NOX4: variants seen among roughly 807,000 people sequenced by gnomAD.
NOX4 encodes the protein NADPH oxidase 4, also known as kidney oxidase-1.
In NOX4, 69 loss-of-function variants were observed where a neutral mutation model predicts 87.6. The ratio of observed to expected loss-of-function variants is 0.79; its 90% CI spans 0.65 to 0.96. NOX4 has a LOEUF of 0.96. NOX4 is among the 40% of genes least tolerant of loss of function. The pLI is 0.00. For missense variants in NOX4, 680 were observed against 681.5 expected (o/e 1.00, Z 0.02); for synonymous variants, 275 against 238.2 (o/e 1.15, Z -1.42).
intron 14 of NOX4, among the ~76,000 whole-genome samples, chr11:89,341,088 G>A (rs962821219): frequency 7.0e-6 from 1 of 143,074 alleles, no homozygotes. Flanking sequence ...ACTAAAATAA[G>A]TTTTAGTTTA....
At chr11:89,482,331 G>A (rs966522329) in intron 2 of NOX4, among the ~76,000 whole-genome samples, 1 of 152,076 alleles carries the variant, frequency 6.6e-6, no homozygotes, top group Non-Finnish European at 1.5e-5. Context: ...GAGGAAGACT[G>A]ACAAAGTTGG....
In NOX4 at chr11:89,342,037, T is replaced by C. The variant is rs368172286; in HGVS notation, c.1337+37A>G. On this transcript the variant is annotated intron_variant, in intron 14 of 17. Coordinates refer to ENST00000263317, the MANE Select transcript of NOX4 (RefSeq NM_016931.5). ...GAGATATCAGAAATATTGGCAGTTC[T>C]CTATTTGGATTAACAAAATAGATCA... The C allele has an allele frequency of 2.9e-5, 44 of 1,534,920 alleles. No homozygotes were observed. In the African/African-American group the frequency reaches 6.0e-4, roughly 21 times the overall value.
At chr11:89,468,173 C>A (rs1477907685) in intron 2 of NOX4, among the ~76,000 whole-genome samples, 1 of 152,174 alleles carries the variant, frequency 6.6e-6, no homozygotes, top group African/African-American at 2.4e-5. Flanking sequence ...ACATAACAGG[C>A]TGTTCCACTG....
At chr11:89,399,432 A>AATATATATATATATAT (rs1208007737) in intron 11 of NOX4, among the ~76,000 whole-genome samples, 58 of 75,606 alleles carry the variant, frequency 7.7e-4, no homozygotes, top group South Asian at 1.0e-3. Flanking sequence ...CAAGAAATTA[A>AATATATATATATATAT]ATATATATAT....
At chr11:89,444,800 T>C (rs1390355259) in intron 4 of NOX4, among the ~76,000 whole-genome samples, 5 of 152,126 alleles carry the variant, frequency 3.3e-5, no homozygotes, top group South Asian at 2.1e-4. Context: ...AATCACTTCA[T>C]GGGACAAAAT....
intron 8 of NOX4, among the ~76,000 whole-genome samples, chr11:89,416,903 T>C (rs984544773): frequency 1.3e-5 from 2 of 152,288 alleles, no homozygotes; most frequent in East Asian, 3.9e-4. Context: ...GTATCATTCA[T>C]ATAATAAAAA....
chr11:89,342,693 T>C (rs1946057989), intron 13 of NOX4, among the ~76,000 whole-genome samples: 1 of 152,130 alleles, frequency 6.6e-6, no homozygotes, highest in South Asian at 2.1e-4. Context: ...TCCCTCCTCT[T>C]GCCCTGGTTG....
chr11:89,354,422 GA>G (rs1937834061), intron 13 of NOX4, among the ~76,000 whole-genome samples: 2 of 152,120 alleles, frequency 1.3e-5, no homozygotes, highest in Non-Finnish European at 2.9e-5. Flanking sequence ...GGGCATCTAT[GA>G]GAAGGAAAGG....
chr11:89,573,743 G>A, the NOX4 span, among the ~76,000 whole-genome samples: 1 of 152,198 alleles, frequency 6.6e-6, no homozygotes, highest in Non-Finnish European at 1.5e-5. Flanking sequence ...ACTTGGAAGA[G>A]ATCCAAGTGG....
intron 2 of NOX4, among the ~76,000 whole-genome samples, chr11:89,454,291 CA>C (rs148808682): frequency 0.02 from 3,101 of 152,080 alleles, 114 homozygotes; most frequent in African/African-American, 0.069. Context: ...ATCTGTTTAT[CA>C]ATCACTTTTG....
chr11:89,547,151 C>T, the NOX4 span, among the ~76,000 whole-genome samples: 3 of 152,052 alleles, frequency 2.0e-5, no homozygotes, highest in Non-Finnish European at 4.4e-5. Flanking sequence ...CCCAAATGAC[C>T]CCTACTACTG....
chr11:89,491,462 C>CA (rs1946853460), upstream of NOX4: 4 of 530,940 alleles, frequency 7.5e-6, no homozygotes, highest in African/African-American at 2.0e-5. Flanking sequence ...CTCCCACCCG[C>CA]ACCGGGTCAG....
At chr11:89,411,770 A>G (rs1306047168) in intron 8 of NOX4, among the ~76,000 whole-genome samples, 1 of 152,196 alleles carries the variant, frequency 6.6e-6, no homozygotes, top group African/African-American at 2.4e-5. Context: ...GAAGACCACA[A>G]AACAATCAGA....
At chr11:89,408,107 T>C (rs777736232) in intron 8 of NOX4, among the ~76,000 whole-genome samples, 2 of 152,176 alleles carry the variant, frequency 1.3e-5, no homozygotes, top group South Asian at 2.1e-4. Context: ...TTAAAATTTA[T>C]TGCAGTTCTC....
chr11:89,510,043 G>T, the NOX4 span, among the ~76,000 whole-genome samples: 1 of 151,994 alleles, frequency 6.6e-6, no homozygotes, highest in Non-Finnish European at 1.5e-5. Flanking sequence ...TTCTTCTTTG[G>T]AATCTGTGGA....
intron 6 of NOX4, among the ~76,000 whole-genome samples, chr11:89,435,389 T>G (rs1944031356): frequency 6.6e-6 from 1 of 151,958 alleles, no homozygotes. Flanking sequence ...AATTACTTCA[T>G]CGAAAGAACA....
chr11:89,415,471 C>T (rs1942713044), intron 8 of NOX4, among the ~76,000 whole-genome samples: 1 of 152,044 alleles, frequency 6.6e-6, no homozygotes, highest in East Asian at 1.9e-4. Context: ...TAAAATCTAG[C>T]TTTAAAAACT....
At chr11:89,385,420 C>T (rs1374764185) in intron 11 of NOX4, among the ~76,000 whole-genome samples, 1 of 152,118 alleles carries the variant, frequency 6.6e-6, no homozygotes, top group Non-Finnish European at 1.5e-5. Flanking sequence ...TTCTCCTTCT[C>T]ATCAGTCACT....
intron 1 of NOX4, 156 bp from the exon 2 acceptor site, chr11:89,490,709 A>C (rs1001926937): frequency 8.4e-6 from 6 of 712,442 alleles, no homozygotes; most frequent in African/African-American, 5.2e-5. Context: ...CAAGCTGAAA[A>C]CCACTCAGAG....
Sources: gnomAD v4.1 joint callset for allele counts (sites outside exome capture counted in the v4.1 genomes callset) on GRCh38, gnomAD v4.1.1 for gene constraint, MANE v1.5 for transcripts, NCBI Gene and HGNC (gene_info 2026-07-23, HGNC 2026-07-21) for gene names.